CACNA1D: variants seen among roughly 807,000 people sequenced by gnomAD.
CACNA1D encodes calcium voltage-gated channel subunit alpha1 D.
In CACNA1D, 55 loss-of-function variants were observed where a neutral mutation model predicts 257.1. The ratio of observed to expected loss-of-function variants is 0.21; its 90% CI spans 0.17 to 0.27. CACNA1D has a LOEUF of 0.27. Ranked by LOEUF, CACNA1D falls within the 10% of genes least tolerant of loss-of-function variation. The probability of loss-of-function intolerance (pLI) is 1.00; values close to 1 mark genes in which losing one functional copy is unlikely to be tolerated. For missense variants in CACNA1D, 1,876 were observed against 2,784.0 expected (o/e 0.67, Z 7.34); for synonymous variants, 980 against 1,014.9 (o/e 0.97, Z 0.65).
intron 39 of CACNA1D, among the ~76,000 whole-genome samples, chr3:53,785,200 C>A (rs2095446392): frequency 6.6e-6 from 1 of 152,172 alleles, no homozygotes; most frequent in African/African-American, 2.4e-5. Context: ...CTCTGCTCAC[C>A]TCCTGCCTTC....
intron 45 of CACNA1D, 114 bp from the exon 46 acceptor site, chr3:53,808,535 C>G: frequency 1.6e-6 from 2 of 1,285,006 alleles, no homozygotes; most frequent in Non-Finnish European, 2.2e-6. Context: ...TTGGACAAAC[C>G]GCATGCTTCT....
At chr3:53,591,497 G>A (rs1379391367) in intron 3 of CACNA1D, among the ~76,000 whole-genome samples, 6 of 151,990 alleles carry the variant, frequency 3.9e-5, no homozygotes, top group African/African-American at 1.2e-4. Context: ...CAGGCAATTC[G>A]CCCACCTTGG....
In CACNA1D at chr3:53,770,507, G is replaced by A. The variant is rs541385062; in HGVS notation, c.3999G>A (p.Gly1333=). The A allele has an allele frequency of 6.2e-7, 1 of 1,613,744 alleles. No homozygotes were observed. The part of the protein sequence containing the change: ...VMRLVKLLSR[G]EGIRTLLWTF... Reference sequence around the variant, plus strand: ...GATTGGTGAAGCTTCTCAGCAGGGGGGAAGGCATCCGGACATTGCTGTGGA... The same window carrying A: ...GATTGGTGAAGCTTCTCAGCAGGGGAGAAGGCATCCGGACATTGCTGTGGA... The change falls in exon 32 of 48, where the codon GGG becomes GGA. Residue 1333 remains glycine, a synonymous_variant. Transcript: ENST00000350061.
At chr3:53,557,213 T>C (rs1482976184) in intron 3 of CACNA1D, among the ~76,000 whole-genome samples, 1 of 151,984 alleles carries the variant, frequency 6.6e-6, no homozygotes, top group East Asian at 1.9e-4. Context: ...CTGTGGTCTA[T>C]GGCCAGGCGT....
intron 29 of CACNA1D, 142 bp from the exon 30 acceptor site, chr3:53,761,856 A>G (rs1031555149): frequency 1.3e-5 from 9 of 710,360 alleles, no homozygotes; most frequent in Non-Finnish European, 5.2e-6. Flanking sequence ...ACCAGTGGAC[A>G]GTATTGTTAC....
At chr3:53,561,553 T>A (rs2092739409) in intron 3 of CACNA1D, among the ~76,000 whole-genome samples, 1 of 152,186 alleles carries the variant, frequency 6.6e-6, no homozygotes, top group Admixed American at 6.5e-5. Context: ...AGAACAAGCT[T>A]CATCCTGGGA....
intron 4 of CACNA1D, among the ~76,000 whole-genome samples, chr3:53,657,360 A>C (rs2094158303): frequency 6.6e-6 from 1 of 152,100 alleles, no homozygotes; most frequent in Admixed American, 6.5e-5. Flanking sequence ...ACAGCCAATC[A>C]CTGGATACTC....
intron 3 of CACNA1D, among the ~76,000 whole-genome samples, chr3:53,650,478 C>T (rs1246951647): frequency 6.6e-6 from 1 of 152,258 alleles, no homozygotes; most frequent in Non-Finnish European, 1.5e-5. Flanking sequence ...AAATAACAAA[C>T]ATGCCTGTTA....
At position 53,800,948 on chromosome 3, in the gene CACNA1D, T is replaced by A. The variant is rs2095533419; in HGVS notation, c.5041-110T>A. On this transcript the variant is annotated intron_variant, in intron 41 of 47. Coordinates refer to ENST00000350061, the MANE Select transcript of CACNA1D (RefSeq NM_001128840.3). The surrounding 1 kb of genome is among the most constrained non-coding windows in gnomAD (Gnocchi z 4.3). ...CACTCAGATTGTTTTACAGGGATCC[T>A]ACGGAGCTTGCCTAGAATTTGTTTT... 1 of 1,035,494 alleles carries A rather than the reference T, an allele frequency of 9.7e-7. No individual in the cohort carries two copies. Among genetic ancestry groups the A allele is most frequent in the Non-Finnish European group, 1.5e-6 (1 of 663,030 alleles). The allele number at this position is 1,035,494 out of a possible 1,614,324, so 64.1% of individuals were successfully genotyped here. A position where few individuals can be genotyped will look rare whatever the true frequency, so the allele number is the denominator to read the frequency against.
At position 53,666,407 on chromosome 3, in the gene CACNA1D, G is replaced by C. The variant is rs2094264082; in HGVS notation, c.988G>C (p.Gly330Arg). The C allele has an allele frequency of 1.9e-6, 3 of 1,614,192 alleles. No individual in the cohort carries two copies. In the East Asian group the frequency reaches 6.7e-5, roughly 36 times the overall value. Residue 330 changes from glycine (G) to arginine (R), a missense_variant, in exon 7 of 48, where the codon GGC becomes CGC. This residue lies in a region of CACNA1D where 188 missense variants were observed against 390.4 expected (regional missense o/e 0.48). Coordinates refer to ENST00000350061, the MANE Select transcript of CACNA1D (RefSeq NM_001128840.3). ...SGNGRQCTAN[G>R]TECRSGWVGP... Reference sequence around the variant, plus strand: ...GAATGGACGCCAGTGTACTGCCAATGGCACGGAATGTAGGAGTGGCTGGGT... The same window carrying C: ...GAATGGACGCCAGTGTACTGCCAATCGCACGGAATGTAGGAGTGGCTGGGT...
chr3:53,752,845 C>G (rs2095237873), intron 28 of CACNA1D, among the ~76,000 whole-genome samples: 1 of 152,234 alleles, frequency 6.6e-6, no homozygotes, highest in Non-Finnish European at 1.5e-5. Flanking sequence ...ACCTGAGTTA[C>G]AGCTACTTCT....
intron 3 of CACNA1D, among the ~76,000 whole-genome samples, chr3:53,545,470 C>T (rs1472192820): frequency 2.0e-5 from 3 of 152,126 alleles, no homozygotes; most frequent in Admixed American, 1.3e-4. Context: ...GAACTGAGCC[C>T]GAAGGAGGTT....
At chr3:53,781,430 G>A (rs2095424757) in intron 38 of CACNA1D, 136 bp from the exon 39 acceptor site, 3 of 693,970 alleles carry the variant, frequency 4.3e-6, no homozygotes, top group Admixed American at 4.2e-5. Context: ...TGACTGGGGA[G>A]AGCCTGGTGG....
rs1452976594 is a variant in CACNA1D, at chr3:53,758,328, T to C, written c.3787-3670T>C. 3.3e-5 allele frequency among the ~76,000 whole-genome samples: 5 copies of C among 152,344 alleles called. 1 individual carries two copies. Among genetic ancestry groups the C allele is most frequent in the African/African-American group, 2.4e-5 (1 of 41,578 alleles). On this transcript the variant is annotated intron_variant, in intron 29 of 47. Transcript: ENST00000350061. ...TAAGAGATCTGGCTGCCATGATCAA[T>C]GACAAAAGGCACATTATTTATATAG...
rs201924053 is a variant in CACNA1D at position 53,656,285 on chromosome 3, TA to T, written c.624-3841del. Reference sequence around the variant, plus strand: ...GGCTCCTTTTTTGTTCCATATGAATTAAAAAAATTTTTTTTCTAGTTATGTG... The same window carrying T: ...GGCTCCTTTTTTGTTCCATATGAATTAAAAAATTTTTTTTCTAGTTATGTG... On this transcript the variant is annotated intron_variant, in intron 4 of 47. Transcript: ENST00000350061. Among the ~76,000 whole-genome samples, 955 of 152,310 alleles carry T rather than the reference TA, an allele frequency of 6.3e-3. 10 individuals carry two copies. Among genetic ancestry groups the T allele is most frequent in the African/African-American group, 0.022 (919 of 41,576 alleles).
chr3:53,749,511 G>A, intron 27 of CACNA1D, 42 bp downstream of exon 27: 7 of 1,371,018 alleles, frequency 5.1e-6, no homozygotes, highest in Non-Finnish European at 7.3e-6. Context: ...CCTTGGTCAG[G>A]AGCGGAGTGC....
chr3:53,614,026 C>T (rs1043255245), intron 3 of CACNA1D, among the ~76,000 whole-genome samples: 1 of 150,476 alleles, frequency 6.6e-6, no homozygotes, highest in Non-Finnish European at 1.5e-5. Context: ...GGTGTGCTGG[C>T]GCATACCTGT....
At chr3:53,613,837 T>C (rs1396920631) in intron 3 of CACNA1D, among the ~76,000 whole-genome samples, 1 of 152,034 alleles carries the variant, frequency 6.6e-6, no homozygotes, top group Non-Finnish European at 1.5e-5. Context: ...TGCTGTTGGA[T>C]CTCACACTTG....
intron 40 of CACNA1D, chr3:53,798,057 C>T (rs1399050502): frequency 1.3e-5 from 2 of 152,226 alleles, no homozygotes; most frequent in African/African-American, 4.8e-5. Context: ...CTTAGCTCAC[C>T]ATCCCTTGAT....
Sources: allele counts gnomAD v4.1 joint callset (sites outside exome capture counted in the v4.1 genomes callset), GRCh38; gene constraint gnomAD v4.1.1; regional missense constraint gnomAD v4.1.1; non-coding constraint Gnocchi (gnomAD v3.1); transcripts MANE v1.5; gene names NCBI Gene and HGNC (gene_info 2026-07-23, HGNC 2026-07-21).